TRPM3: variants seen among roughly 807,000 people sequenced by gnomAD.
The protein encoded by TRPM3 is long transient receptor potential channel 3.
In TRPM3, 77 loss-of-function variants were observed where a neutral mutation model predicts 181.2. The observed-to-expected ratio is 0.42, with a 90% CI of 0.35 to 0.51. TRPM3 has a LOEUF of 0.51. Among genes scored for constraint, TRPM3 ranks in the 20% least tolerant of loss-of-function variants. The probability of loss-of-function intolerance (pLI) is 0.01; values close to 1 mark genes in which losing one functional copy is unlikely to be tolerated. For synonymous variants in TRPM3, 745 were observed against 796.4 expected (o/e 0.94, Z 1.09); for missense variants, 1,759 against 2,196.7 (o/e 0.80, Z 3.98).
intron 14 of TRPM3, among the ~76,000 whole-genome samples, chr9:70,623,849 G>C (rs192125945): frequency 4.2e-4 from 62 of 149,386 alleles, no homozygotes; most frequent in Middle Eastern, 3.4e-3. Flanking sequence ...GCGATTGTTT[G>C]GATTGTATTA....
intron 1 of TRPM3, among the ~76,000 whole-genome samples, chr9:71,418,719 G>C (rs1174899340): frequency 2.0e-5 from 3 of 148,826 alleles, no homozygotes. Flanking sequence ...ATTCCTAAAA[G>C]GCTCAAAGGA....
At chr9:70,668,557 C>G (rs1236626099) in intron 9 of TRPM3, among the ~76,000 whole-genome samples, 1 of 150,978 alleles carries the variant, frequency 6.6e-6, no homozygotes, top group Non-Finnish European at 1.5e-5. Flanking sequence ...CCCAGCTACG[C>G]GGGAGGCTGA....
chr9:71,090,543 C>T (rs1040685677), intron 1 of TRPM3, among the ~76,000 whole-genome samples: 7 of 152,154 alleles, frequency 4.6e-5, no homozygotes, highest in Non-Finnish European at 7.3e-5. Flanking sequence ...CCCTAAGAGA[C>T]GCTTCCCAGA....
At chr9:71,216,937 C>CT (rs10536771) in intron 1 of TRPM3, among the ~76,000 whole-genome samples, 1,530 of 72,990 alleles carry the variant, frequency 0.021, 201 homozygotes, top group African/African-American at 0.069. Flanking sequence ...GTGGCCCTTT[C>CT]TTTTTTTTTT....
intron 1 of TRPM3, among the ~76,000 whole-genome samples, chr9:70,871,966 A>T (rs150370793): frequency 6.6e-6 from 1 of 152,044 alleles, no homozygotes; most frequent in African/African-American, 2.4e-5. Context: ...ATTTTCTACC[A>T]TCAGTAACGA....
intron 1 of TRPM3, among the ~76,000 whole-genome samples, chr9:71,333,691 G>A (rs2090370282): frequency 6.6e-6 from 1 of 151,802 alleles, no homozygotes; most frequent in Non-Finnish European, 1.5e-5. Flanking sequence ...ATAACTTGAG[G>A]GCAGTTTTGT....
At chr9:70,929,853 T>C (rs745615003) in intron 1 of TRPM3, among the ~76,000 whole-genome samples, 4 of 152,206 alleles carry the variant, frequency 2.6e-5, no homozygotes, top group Admixed American at 6.5e-5. Context: ...CTATTCCCTA[T>C]ACAAAATTAG....
At chr9:70,977,112 G>A (rs927837698) in intron 1 of TRPM3, among the ~76,000 whole-genome samples, 5 of 152,174 alleles carry the variant, frequency 3.3e-5, no homozygotes, top group Non-Finnish European at 5.9e-5. Flanking sequence ...GGAAAGGGGT[G>A]CATCAGTCTG....
chr9:71,136,656 G>A (rs995173135), intron 1 of TRPM3, among the ~76,000 whole-genome samples: 5 of 152,100 alleles, frequency 3.3e-5, no homozygotes, highest in African/African-American at 9.7e-5. Context: ...TCTTAATCCC[G>A]GTCCAGACAG....
intron 1 of TRPM3, among the ~76,000 whole-genome samples, chr9:71,027,395 A>T (rs1241681231): frequency 6.6e-6 from 1 of 152,250 alleles, no homozygotes; most frequent in Non-Finnish European, 1.5e-5. Flanking sequence ...GAACTTAAAA[A>T]GCCAGAGGGT....
At chr9:71,340,629 C>A (rs1338610251) in intron 1 of TRPM3, among the ~76,000 whole-genome samples, 1 of 152,100 alleles carries the variant, frequency 6.6e-6, no homozygotes, top group Admixed American at 6.6e-5. Context: ...GTCCAATAAA[C>A]CTCTTTCTTT....
intron 11 of TRPM3, among the ~76,000 whole-genome samples, chr9:70,636,286 TAA>T (rs77492938): frequency 7.5e-6 from 1 of 133,280 alleles, no homozygotes. Flanking sequence ...ATTAAAAATG[TAA>T]AAAAAAAAAA....
chr9:70,621,307 C>G, intron 14 of TRPM3, 34 bp from the exon 15 acceptor site: 1 of 1,572,854 alleles, frequency 6.4e-7, no homozygotes, highest in Non-Finnish European at 8.7e-7. Context: ...AAAGTTAGAT[C>G]AGTTAGATCT....
intron 1 of TRPM3, among the ~76,000 whole-genome samples, chr9:70,954,630 G>A (rs1295158992): frequency 6.6e-6 from 1 of 152,066 alleles, no homozygotes; most frequent in Non-Finnish European, 1.5e-5. Flanking sequence ...GACAGTAGAA[G>A]AATAAAATCT....
At chr9:71,170,347 C>T (rs73467749) in intron 1 of TRPM3, among the ~76,000 whole-genome samples, 5,653 of 152,186 alleles carry the variant, frequency 0.037, 361 homozygotes, top group African/African-American at 0.13. Context: ...TTAGGAAGAA[C>T]GTCTGGACTG....
chr9:70,544,753 GA>G (rs1007585229), intron 25 of TRPM3, among the ~76,000 whole-genome samples: 10 of 151,530 alleles, frequency 6.6e-5, no homozygotes, highest in South Asian at 4.2e-4. Context: ...CTAAAGGGGG[GA>G]AAAAAAGAAA....
chr9:70,945,448 A>G (rs1014021745), intron 1 of TRPM3, among the ~76,000 whole-genome samples: 9 of 152,184 alleles, frequency 5.9e-5, no homozygotes, highest in African/African-American at 2.2e-4. Context: ...TTGTCTGTAC[A>G]ATGAGCAAAA....
chr9:71,266,835 G>A (rs2083425758), intron 1 of TRPM3, among the ~76,000 whole-genome samples: 1 of 151,840 alleles, frequency 6.6e-6, no homozygotes, highest in African/African-American at 2.4e-5. Context: ...CACTATTTTA[G>A]ATACCTCATA....
chr9:71,109,046 C>T (rs1036134154), intron 1 of TRPM3, among the ~76,000 whole-genome samples: 6 of 133,518 alleles, frequency 4.5e-5, no homozygotes, highest in Middle Eastern at 3.8e-3. Context: ...TCACCTCCTC[C>T]GAGCAAGAAG....
Sources: allele counts gnomAD v4.1 joint callset (sites outside exome capture counted in the v4.1 genomes callset), GRCh38; gene constraint gnomAD v4.1.1; transcripts MANE v1.5; gene names NCBI Gene and HGNC (gene_info 2026-07-23, HGNC 2026-07-21).